Variants in FXYD5 observed in about 807,000 individuals in gnomAD.
FXYD5 encodes FXYD domain containing ion transport regulator 5.
FXYD5 carries 21 observed loss-of-function variants against 25.7 expected under a neutral mutation model. The observed-to-expected ratio is 0.82, with a 90% confidence interval of 0.58 to 1.18. The LOEUF (loss-of-function observed/expected upper bound fraction) is 1.18. FXYD5 is among the 50% of genes most tolerant of loss of function. FXYD5 has a pLI of 0.00. For missense variants in FXYD5, 229 were observed against 227.7 expected (o/e 1.01, Z -0.04); for synonymous variants, 101 against 90.7 (o/e 1.11, Z -0.64).
intron 8 of FXYD5, among the ~76,000 whole-genome samples, chr19:35,167,492 C>T (rs1392038655): frequency 6.6e-6 from 1 of 152,184 alleles, no homozygotes; most frequent in Non-Finnish European, 1.5e-5. Flanking sequence ...AACCAGAGGG[C>T]AAGGGGCCCA....
intron 4 of FXYD5, chr19:35,159,533 T>G: frequency 6.4e-7 from 1 of 1,550,588 alleles, no homozygotes; most frequent in African/African-American, 1.4e-5. Flanking sequence ...TATCACAGCT[T>G]ATGGAGTCAC....
chr19:35,154,904 G>GC (rs1178798458), intron 1 of FXYD5, 95 bp downstream of exon 1: 1 of 156,256 alleles, frequency 6.4e-6, no homozygotes, highest in East Asian at 1.9e-4. Context: ...GCTCCTCTCC[G>GC]CCCCCCATCC....
At chr19:35,167,817 GTGTTGA>G (rs1600512680) in intron 8 of FXYD5, among the ~76,000 whole-genome samples, 2 of 152,292 alleles carry the variant, frequency 1.3e-5, no homozygotes, top group East Asian at 3.9e-4. Context: ...CAACATGTAT[GTGTTGA>G]TCCTGACTTT....
chr19:35,161,743 G>T (rs1015049175), intron 5 of FXYD5, among the ~76,000 whole-genome samples: 2 of 152,196 alleles, frequency 1.3e-5, no homozygotes, highest in African/African-American at 2.4e-5. Context: ...GCAACAGATC[G>T]CCTCTAATGC....
intron 4 of FXYD5, chr19:35,159,379 T>C: frequency 7.9e-7 from 1 of 1,269,590 alleles, no homozygotes; most frequent in Non-Finnish European, 1.1e-6. Context: ...TGTGCTGTGT[T>C]TGTGTGAGCT....
Position 35,169,623 on chromosome 19 carries a change from A to G in FXYD5, c.*8A>G. On this transcript the variant is annotated 3_prime_UTR_variant, in exon 9 of 9. Transcript: ENST00000392219. The stretch of plus-strand genomic sequence containing the variant: ...CGGAATCGTTGCAGGTGAGTCCATC[A>G]GAAACAGGAGCTGACAACCTGCTGG... The G allele has an allele frequency of 6.2e-7, 1 of 1,600,612 alleles. No individual in the cohort carries two copies. Among genetic ancestry groups the G allele is most frequent in the Non-Finnish European group, 8.6e-7 (1 of 1,167,708 alleles).
intron 2 of FXYD5, among the ~76,000 whole-genome samples, chr19:35,155,917 T>C (rs1568410044): frequency 6.6e-6 from 1 of 152,202 alleles, no homozygotes. Flanking sequence ...GTCGGTTTTC[T>C]ACTCAGCAGC....
intron 5 of FXYD5, among the ~76,000 whole-genome samples, chr19:35,162,116 G>A (rs550273062): frequency 6.6e-6 from 1 of 152,198 alleles, no homozygotes; most frequent in Non-Finnish European, 1.5e-5. Context: ...TTAATTTACT[G>A]AGTCTTTGCT....
intron 5 of FXYD5, among the ~76,000 whole-genome samples, chr19:35,163,063 T>C (rs548788071): frequency 3.9e-5 from 6 of 152,354 alleles, no homozygotes; most frequent in Admixed American, 3.3e-4. Context: ...GTTACTCAGC[T>C]TGCCCTAGGC....
At position 35,158,354 on chromosome 19, in the gene FXYD5, C is replaced by A; in HGVS notation, c.153C>A (p.Tyr51Ter). ...QVPTRAPDAV[Y>*]TELQPTSPTP... is the part of the protein sequence containing the mutation. ...GTTTCTGGACTCCAGATGCAGTCTACACAGAACTCCAGCCCACCTCTCCAA... is the reference window on the plus strand; with the variant it reads ...GTTTCTGGACTCCAGATGCAGTCTAAACAGAACTCCAGCCCACCTCTCCAA... The change falls in exon 4 of 9, where the codon TAC (tyrosine) becomes TAA (stop). Residue 51 changes from tyrosine (Y) to a stop codon, truncating the protein, a stop_gained. Transcript: ENST00000392219. LOFTEE classifies it high-confidence loss of function. 6.2e-7 allele frequency: 1 copy of A among 1,607,198 alleles called. No individual in the cohort carries two copies. The highest frequency in any genetic ancestry group is 8.5e-7 in the Non-Finnish European group (1 of 1,173,834).
In FXYD5 at chr19:35,169,868, A is replaced by G. The variant is rs2065484141; in HGVS notation, c.*253A>G. On this transcript the variant is annotated 3_prime_UTR_variant, in exon 9 of 9. Coordinates refer to ENST00000392219, the MANE Select transcript of FXYD5 (RefSeq NM_014164.6). ...CCTCTGCTAAGACAAAAAGTAAAGC[A>G]CTGTGGTCTTTGCCCCAGGATCTCT... 8 of 494,832 alleles carry G rather than the reference A, an allele frequency of 1.6e-5. No homozygotes were observed. The highest frequency in any genetic ancestry group is 2.9e-5 in the Non-Finnish European group (8 of 272,298). 30.7% of individuals were successfully genotyped at this position (494,832 alleles called of 1,614,324 possible).
chr19:35,156,958 C>CT (rs1265162653), intron 2 of FXYD5: 1 of 164,428 alleles, frequency 6.1e-6, no homozygotes, highest in Non-Finnish European at 1.3e-5. Context: ...GTGGAGTTAT[C>CT]CAGCACTGAC....
chr19:35,161,249 A>ACACACACACACACACACACACACACACAC (rs58296906), intron 5 of FXYD5, among the ~76,000 whole-genome samples: 3,901 of 120,000 alleles, frequency 0.033, 196 homozygotes, highest in East Asian at 0.049. Flanking sequence ...CACACACACA[A>ACACACACACACACACACACACACACACAC]AAGAATGATT....
At chr19:35,155,945 C>T (rs1451301225) in intron 2 of FXYD5, among the ~76,000 whole-genome samples, 1 of 152,216 alleles carries the variant, frequency 6.6e-6, no homozygotes, top group Non-Finnish European at 1.5e-5. Context: ...CCTAGGCTCC[C>T]AGAGTCCCCA....
chr19:35,155,634 AC>A, intron 2 of FXYD5, 23 bp downstream of exon 2: 2 of 1,573,684 alleles, frequency 1.3e-6, no homozygotes. Context: ...TCTGGCCTCC[AC>A]CCTGCCCCAG....
At chr19:35,160,892 CT>C in intron 5 of FXYD5, 91 bp downstream of exon 5, 1 of 793,994 alleles carries the variant, frequency 1.3e-6, no homozygotes, top group Non-Finnish European at 2.2e-6. Context: ...CTCAGTGCCC[CT>C]GTTTGGGGAA....
At chr19:35,161,454 A>G (rs1401142401) in intron 5 of FXYD5, among the ~76,000 whole-genome samples, 1 of 152,228 alleles carries the variant, frequency 6.6e-6, no homozygotes, top group African/African-American at 2.4e-5. Flanking sequence ...TGGCTAGAGA[A>G]CAAAATCTTT....
chr19:35,163,895 T>C, intron 5 of FXYD5: 1 of 1,069,876 alleles, frequency 9.3e-7, no homozygotes. Flanking sequence ...GGCCAGAAGG[T>C]CCTAGGAGAG....
intron 8 of FXYD5, among the ~76,000 whole-genome samples, chr19:35,167,091 TA>T (rs1020746495): frequency 5.9e-5 from 9 of 152,206 alleles, no homozygotes; most frequent in African/African-American, 2.2e-4. Context: ...AATGTTTCTG[TA>T]AAATCTTTTG....
Sources: allele counts gnomAD v4.1 joint callset (sites outside exome capture counted in the v4.1 genomes callset), GRCh38; gene constraint gnomAD v4.1.1; transcripts MANE v1.5; gene names NCBI Gene and HGNC (gene_info 2026-07-23, HGNC 2026-07-21).